RBFOX1: variants seen among roughly 807,000 people sequenced by gnomAD.
RBFOX1 encodes RNA binding fox-1 homolog 1, also known as RNA binding protein fox-1 homolog 1.
RBFOX1 carries 8 observed loss-of-function variants against 57.7 expected under a neutral mutation model. The ratio of observed to expected loss-of-function variants is 0.14; its 90% CI spans 0.08 to 0.25. The LOEUF (loss-of-function observed/expected upper bound fraction) is 0.25. Ranked by LOEUF, RBFOX1 falls within the 10% of genes least tolerant of loss-of-function variation. The pLI is 1.00. For missense variants in RBFOX1, 611 were observed against 548.5 expected (o/e 1.11, Z -1.14); for synonymous variants, 326 against 222.4 (o/e 1.47, Z -4.15).
intron 1 of RBFOX1, among the ~76,000 whole-genome samples, chr16:6,282,355 GTT>G (rs151272388): frequency 0.14 from 16,905 of 124,946 alleles, 1,591 homozygotes; most frequent in African/African-American, 0.31. Flanking sequence ...TACCTTGTCT[GTT>G]TTTTTTTTTT....
intron 2 of RBFOX1, among the ~76,000 whole-genome samples, chr16:6,454,481 T>C (rs1341435281): frequency 6.6e-6 from 1 of 152,106 alleles, no homozygotes; most frequent in East Asian, 1.9e-4. Flanking sequence ...CACCTGAGCC[T>C]GGGGAGATCA....
At chr16:7,345,680 AG>A (rs1439400823) in intron 4 of RBFOX1, among the ~76,000 whole-genome samples, 2 of 152,146 alleles carry the variant, frequency 1.3e-5, no homozygotes, top group East Asian at 3.8e-4. Context: ...CCGGTGATGG[AG>A]CCGTCTGGGG....
chr16:7,566,103 T>C (rs1291089614), intron 5 of RBFOX1, among the ~76,000 whole-genome samples: 1 of 152,176 alleles, frequency 6.6e-6, no homozygotes, highest in East Asian at 1.9e-4. Flanking sequence ...GCATTTGATA[T>C]GGTGTTTAGT....
chr16:7,616,477 G>A (rs2058465538), intron 10 of RBFOX1, among the ~76,000 whole-genome samples: 1 of 152,210 alleles, frequency 6.6e-6, no homozygotes, highest in African/African-American at 2.4e-5. Flanking sequence ...GAGGTGTGAG[G>A]AACAGGAATT....
At chr16:7,457,034 C>T (rs778110999) in intron 4 of RBFOX1, among the ~76,000 whole-genome samples, 1 of 151,974 alleles carries the variant, frequency 6.6e-6, no homozygotes, top group Non-Finnish European at 1.5e-5. Context: ...ATTGCAGGCA[C>T]GCACCACCAC....
At chr16:5,269,687 A>T (rs1426866709) in intron 1 of RBFOX1, among the ~76,000 whole-genome samples, 1 of 152,180 alleles carries the variant, frequency 6.6e-6, no homozygotes, top group East Asian at 1.9e-4. Flanking sequence ...GCATGGGAGG[A>T]TAGGGGGTGT....
intron 4 of RBFOX1, among the ~76,000 whole-genome samples, chr16:7,095,334 C>T (rs561238242): frequency 6.6e-6 from 1 of 152,212 alleles, no homozygotes; most frequent in Non-Finnish European, 1.5e-5. Flanking sequence ...GACTGGGTTT[C>T]ACTATATTGG....
At chr16:5,742,282 CCCTCCCTTCCTG>C (rs2052799973) in intron 3 of RBFOX1, among the ~76,000 whole-genome samples, 1 of 145,588 alleles carries the variant, frequency 6.9e-6, no homozygotes, top group South Asian at 2.3e-4. Context: ...CTTCCTCCCT[CCCTCCCTTCCTG>C]CCTCCCTCCC....
chr16:5,711,249 G>A (rs775868068), intron 3 of RBFOX1, among the ~76,000 whole-genome samples: 10 of 152,208 alleles, frequency 6.6e-5, no homozygotes, highest in Non-Finnish European at 8.8e-5. Context: ...GAATAACCCT[G>A]TATGGTAAGT....
chr16:6,452,075 A>C (rs1284649629), intron 2 of RBFOX1, among the ~76,000 whole-genome samples: 1 of 121,508 alleles, frequency 8.2e-6, no homozygotes, highest in Non-Finnish European at 1.7e-5. Context: ...TCCTTCCATG[A>C]CTCCATCCAT....
intron 3 of RBFOX1, among the ~76,000 whole-genome samples, chr16:5,806,621 G>A (rs1279369186): frequency 2.0e-5 from 3 of 152,152 alleles, no homozygotes; most frequent in East Asian, 3.9e-4. Flanking sequence ...GCTGTTCAAG[G>A]GTGAAAAATC....
At chr16:7,153,839 C>G (rs1159474482) in intron 4 of RBFOX1, among the ~76,000 whole-genome samples, 1 of 151,872 alleles carries the variant, frequency 6.6e-6, no homozygotes, top group African/African-American at 2.4e-5. Context: ...TGCCCTCAAA[C>G]AGGCTATCAG....
chr16:7,709,182 T>A (rs1193487187), intron 15 of RBFOX1, 51 bp downstream of exon 15: 4 of 1,518,508 alleles, frequency 2.6e-6, no homozygotes, highest in African/African-American at 1.4e-5. Context: ...CCCTTCCCTT[T>A]CCCCAGCTGG....
chr16:7,476,225 G>A (rs912930046), intron 4 of RBFOX1, among the ~76,000 whole-genome samples: 2 of 152,136 alleles, frequency 1.3e-5, no homozygotes, highest in African/African-American at 4.8e-5. Flanking sequence ...CTCCCACCTA[G>A]GCCTCCCAAA....
intron 4 of RBFOX1, among the ~76,000 whole-genome samples, chr16:7,473,387 C>T (rs1409794690): frequency 3.4e-5 from 5 of 147,428 alleles, no homozygotes; most frequent in Admixed American, 6.8e-5. Flanking sequence ...CTCATATATA[C>T]ATATATATAT....
chr16:5,403,705 C>T lies in RBFOX1; in HGVS notation c.220-63511C>T, dbSNP rs538369956. Among the ~76,000 whole-genome samples the T allele has an allele frequency of 2.0e-3, 298 of 152,224 alleles. 3 individuals carry two copies. Among genetic ancestry groups the T allele is most frequent in the African/African-American group, 6.4e-3 (266 of 41,530 alleles). On this transcript the variant is annotated intron_variant, in intron 1 of 2. Transcript: ENST00000585867. ...AGTTGATCTGCCCGCCTCAGCCTCC[C>T]GAAGTGCTGGGGTTACAGGCATGAG...
At chr16:6,508,434 G>T (rs1354514813) in intron 2 of RBFOX1, among the ~76,000 whole-genome samples, 1 of 152,130 alleles carries the variant, frequency 6.6e-6, no homozygotes, top group African/African-American at 2.4e-5. Context: ...TTAAGATTAT[G>T]TGGGTTTTTT....
chr16:7,143,652 C>T (rs1386630660), intron 4 of RBFOX1, among the ~76,000 whole-genome samples: 4 of 152,056 alleles, frequency 2.6e-5, no homozygotes, highest in African/African-American at 9.7e-5. Context: ...GTCTCTGAAA[C>T]CTGGGAGTTC....
intron 4 of RBFOX1, among the ~76,000 whole-genome samples, chr16:5,896,401 G>A (rs1461190516): frequency 6.6e-6 from 1 of 152,068 alleles, no homozygotes; most frequent in Non-Finnish European, 1.5e-5. Flanking sequence ...AAGTCCCCTT[G>A]AGAACTGATT....
Sources: allele counts gnomAD v4.1 joint callset (sites outside exome capture counted in the v4.1 genomes callset), GRCh38; gene constraint gnomAD v4.1.1; transcripts MANE v1.5; gene names NCBI Gene and HGNC (gene_info 2026-07-23, HGNC 2026-07-21).